ARHGDIB: variants seen among roughly 807,000 people sequenced by gnomAD.
ARHGDIB encodes the protein rho GDP-dissociation inhibitor 2.
A neutral mutation model predicts 22.6 loss-of-function variants in ARHGDIB; 20 were observed. The observed-to-expected ratio is 0.88, with a 90% CI of 0.62 to 1.28. The LOEUF is 1.28. ARHGDIB is among the 50% of genes most tolerant of loss of function. The pLI, the probability that ARHGDIB is intolerant of heterozygous loss-of-function variation, is 0.00. For synonymous variants in ARHGDIB, 114 were observed against 96.1 expected, an observed-to-expected ratio of 1.19 and a Z score of -1.09; for missense variants, 254 against 245.4, an observed-to-expected ratio of 1.04 and a Z score of -0.23.
chr12:14,950,043 G>C (rs2120718002), intron 2 of ARHGDIB, among the ~76,000 whole-genome samples, 158 bp from the exon 3 acceptor site: 1 of 152,338 alleles, frequency 6.6e-6, no homozygotes, highest in Admixed American at 6.5e-5. Flanking sequence ...GCTTGGTCTT[G>C]ATGGCCTTGT....
intron 1 of ARHGDIB, among the ~76,000 whole-genome samples, chr12:14,958,976 C>T (rs1350004272): frequency 6.6e-6 from 1 of 152,150 alleles, no homozygotes; most frequent in Non-Finnish European, 1.5e-5. Flanking sequence ...TAAGAACTCT[C>T]AAAATATGGA....
chr12:14,950,537 A>G lies in ARHGDIB; in HGVS notation c.176T>C (p.Val59Ala). The change falls in exon 2 of 6, where the codon GTG (valine) becomes GCG (alanine). Residue 59 changes from valine (V) to alanine (A), a missense_variant. By Grantham distance (64) the Val-to-Ala change is moderately conservative (BLOSUM62 0). Transcript: ENST00000228945. Reference sequence around the variant, plus strand: ...TGTTCTCTGTACACACATACCTGTCACCACAGGACCATCTCCCAGCAGCGT... The same window carrying G: ...TGTTCTCTGTACACACATACCTGTCGCCACAGGACCATCTCCCAGCAGCGT... ...KKTLLGDGPVVTDPKAPNVVV... is the reference protein window; with the variant it reads ...KKTLLGDGPVATDPKAPNVVV... 6.2e-7 allele frequency: 1 copy of G among 1,611,398 alleles called. No individual in the cohort carries two copies. Among genetic ancestry groups the G allele is most frequent in the Non-Finnish European group, 8.5e-7 (1 of 1,178,720 alleles).
At position 14,947,009 on chromosome 12, in the gene ARHGDIB, G is replaced by A. The variant is rs536701998; in HGVS notation, c.342+864C>T. 1.3e-4 allele frequency among the ~76,000 whole-genome samples: 20 copies of A among 152,084 alleles called. No homozygotes were observed. The South Asian group carries it at 4.1e-3, about 32-fold the overall frequency. ...CAGTTATATTTGTATGGGGTAGGGA[G>A]GTCATCCATAAACCCTGAATCATAT... On this transcript the variant is annotated intron_variant, in intron 4 of 5. Transcript: ENST00000228945.
intron 1 of ARHGDIB, among the ~76,000 whole-genome samples, chr12:14,960,805 A>G (rs1864395171): frequency 6.6e-6 from 1 of 152,150 alleles, no homozygotes; most frequent in Non-Finnish European, 1.5e-5. Context: ...GCCCAGCCCT[A>G]TTATTATTTT....
At chr12:14,961,050 A>G (rs1396084593) in intron 1 of ARHGDIB, 5 of 151,140 alleles carry the variant, frequency 3.3e-5, no homozygotes, top group African/African-American at 1.2e-4. Context: ...ACAGCTTTGA[A>G]CCATTTTTTT....
intron 4 of ARHGDIB, among the ~76,000 whole-genome samples, chr12:14,945,973 T>C (rs1231761516): frequency 6.6e-6 from 1 of 152,226 alleles, no homozygotes; most frequent in Admixed American, 6.5e-5. Flanking sequence ...CCGAAGCTTA[T>C]CCCTTTCACC....
chr12:14,953,932 T>C (rs1313702229), intron 1 of ARHGDIB, among the ~76,000 whole-genome samples: 1 of 146,766 alleles, frequency 6.8e-6, no homozygotes, highest in Non-Finnish European at 1.5e-5. Context: ...CTTCTTTCCT[T>C]CCTTCCTTCC....
At position 14,942,476 on chromosome 12, in the gene ARHGDIB, A is replaced by G; in HGVS notation, c.*46T>C. On this transcript the variant is annotated 3_prime_UTR_variant, in exon 6 of 6. Transcript: ENST00000228945. ...AGGGACAGGGTGCTGAACACGCCTG[A>G]GAGAATTCTTCCAGGTGGCAAGGGT... 5 of 1,606,518 alleles carry G rather than the reference A, an allele frequency of 3.1e-6. No individual in the cohort carries two copies. Among genetic ancestry groups the G allele is most frequent in the Non-Finnish European group, 4.3e-6 (5 of 1,174,216 alleles).
chr12:14,948,509 GC>G (rs1864083991), intron 3 of ARHGDIB, among the ~76,000 whole-genome samples: 1 of 151,972 alleles, frequency 6.6e-6, no homozygotes, highest in African/African-American at 2.4e-5. Flanking sequence ...ATTTTCATTT[GC>G]AATTTCATAC....
rs1565458954 is a variant in ARHGDIB at position 14,944,807 on chromosome 12, G to GT, written c.374dup (p.Tyr125Ter). 1.2e-6 allele frequency: 2 copies of GT among 1,613,560 alleles called. No individual in the cohort carries two copies. Among genetic ancestry groups the GT allele is most frequent in the Non-Finnish European group, 8.5e-7 (1 of 1,179,686 alleles). The change falls in exon 5 of 6, where the codon TAC becomes TAAC. Residue 125 changes from tyrosine to a stop codon, truncating the protein, a stop_gained and frameshift_variant. Transcript: ENST00000228945. LOFTEE classifies it high-confidence loss of function. ...CCCCAGTCCTGTAGGTGTGCTGAAC[G>GT]TATTTCAGGCCTGACACAATATCCC... Reference protein sequence around the residue: ...VNRDIVSGLKYVQHTYRTGVK... With the variant: ...VNRDIVSGLK
intron 1 of ARHGDIB, 48 bp downstream of exon 1, chr12:14,961,489 G>T (rs2120780765): frequency 6.6e-6 from 1 of 152,336 alleles, no homozygotes; most frequent in East Asian, 1.9e-4. Flanking sequence ...TTCCGACTTT[G>T]CTCTGTGCCC....
chr12:14,957,349 G>T (rs1267888851), intron 1 of ARHGDIB, among the ~76,000 whole-genome samples: 2 of 152,160 alleles, frequency 1.3e-5, no homozygotes, highest in Non-Finnish European at 2.9e-5. Flanking sequence ...GCCCCAGTGT[G>T]GTCTGCTTTG....
At chr12:14,946,956 A>G (rs1864030559) in intron 4 of ARHGDIB, among the ~76,000 whole-genome samples, 1 of 152,236 alleles carries the variant, frequency 6.6e-6, no homozygotes, top group East Asian at 1.9e-4. Flanking sequence ...GTAGGCATCA[A>G]CAAATATTTC....
chr12:14,943,960 T>C (rs1863945474), intron 5 of ARHGDIB, among the ~76,000 whole-genome samples: 1 of 152,206 alleles, frequency 6.6e-6, no homozygotes, highest in Admixed American at 6.5e-5. Context: ...ATCAATATCT[T>C]TCAGGTCAAT....
chr12:14,955,252 C>A (rs1864274919), intron 1 of ARHGDIB, among the ~76,000 whole-genome samples: 1 of 152,058 alleles, frequency 6.6e-6, no homozygotes, highest in Admixed American at 6.6e-5. Context: ...TTTACAAGTG[C>A]AAAAACTAAG....
intron 2 of ARHGDIB, among the ~76,000 whole-genome samples, chr12:14,950,323 T>C (rs1864138350): frequency 6.6e-6 from 1 of 152,204 alleles, no homozygotes; most frequent in Non-Finnish European, 1.5e-5. Context: ...GTGTTATGTG[T>C]GCCTATCTCA....
chr12:14,953,960 T>TC, intron 1 of ARHGDIB, among the ~76,000 whole-genome samples: 4 of 146,072 alleles, frequency 2.7e-5, no homozygotes, highest in African/African-American at 1.1e-4. Context: ...CTTCTTTCCT[T>TC]CCTTCCTTCC....
At chr12:14,946,801 G>A (rs541002040) in intron 4 of ARHGDIB, among the ~76,000 whole-genome samples, 1 of 152,286 alleles carries the variant, frequency 6.6e-6, no homozygotes, top group Non-Finnish European at 1.5e-5. Flanking sequence ...TAATGCAATA[G>A]CATCAATGAT....
chr12:14,946,467 G>A (rs1163991491), intron 4 of ARHGDIB, among the ~76,000 whole-genome samples: 1 of 152,164 alleles, frequency 6.6e-6, no homozygotes, highest in Non-Finnish European at 1.5e-5. Context: ...TGTTTTTCAA[G>A]GATTTTTGAC....
Sources: gnomAD v4.1 joint callset for allele counts (sites outside exome capture counted in the v4.1 genomes callset) on GRCh38, gnomAD v4.1.1 for gene constraint, MANE v1.5 for transcripts, NCBI Gene and HGNC (gene_info 2026-07-23, HGNC 2026-07-21) for gene names.